DUOX2: variants seen among roughly 807,000 people sequenced by gnomAD.
DUOX2 encodes the protein dual oxidase 2, also known as NADH/NADPH thyroid oxidase p138-tox.
In DUOX2, 185 loss-of-function variants were observed where a neutral mutation model predicts 183.3. The observed-to-expected ratio is 1.01, with a 90% CI of 0.90 to 1.14. The LOEUF (loss-of-function observed/expected upper bound fraction) is 1.14, where lower values mean the gene tolerates loss of function less well. Among genes scored for constraint, DUOX2 ranks in the 50% most tolerant of loss-of-function variants. DUOX2 has a pLI of 0.00. For synonymous variants in DUOX2, 788 were observed against 812.4 expected (o/e 0.97, Z 0.51); for missense variants, 1,999 against 2,022.9 (o/e 0.99, Z 0.23).
At chr15:45,102,060 C>A in intron 20 of DUOX2, 71 bp from the exon 21 acceptor site, 1 of 1,569,846 alleles carries the variant, frequency 6.4e-7, no homozygotes, top group African/African-American at 1.4e-5. Flanking sequence ...CAGGGTGGGG[C>A]AGGCCCCAGA....
In DUOX2 at chr15:45,111,285, C is replaced by T. The variant is rs1445536464; in HGVS notation, c.716-8G>A. ...CTCTCTCTGCCCCGAAGGCTGCATC[C>T]GACGTGGGGGCGCAGGGGAGGAGAC... On this transcript the variant is annotated splice_region_variant and splice_polypyrimidine_tract_variant and intron_variant, in intron 6 of 33. Transcript: ENST00000389039. 37 of 1,372,668 alleles carry T rather than the reference C, an allele frequency of 2.7e-5. 1 individual carries two copies. Among genetic ancestry groups the T allele is most frequent in the South Asian group, 4.4e-5 (3 of 67,776 alleles). 85.0% of individuals were successfully genotyped at this position (1,372,668 alleles called of 1,614,324 possible). A position where few individuals can be genotyped will look rare whatever the true frequency, so the allele number is the denominator to read the frequency against.
chr15:45,109,461 A>G (rs903014422), intron 11 of DUOX2, 63 bp downstream of exon 11: 20 of 1,476,490 alleles, frequency 1.4e-5, no homozygotes, highest in Non-Finnish European at 1.8e-5. Context: ...CTATTGATGA[A>G]CCCAGAGGGA....
intron 11 of DUOX2, 69 bp from the exon 12 acceptor site, chr15:45,109,021 T>A: frequency 6.3e-7 from 1 of 1,588,468 alleles, no homozygotes; most frequent in Non-Finnish European, 8.6e-7. Context: ...CAGCCTTGTA[T>A]CTGACTATTG....
chr15:45,103,309 G>A (rs1047540967), intron 20 of DUOX2, among the ~76,000 whole-genome samples: 2 of 152,230 alleles, frequency 1.3e-5, no homozygotes, highest in Admixed American at 1.3e-4. Flanking sequence ...AGTTAGTTAT[G>A]TATGAAATGC....
chr15:45,097,815 C>T, intron 27 of DUOX2, 74 bp from the exon 28 acceptor site: 7 of 1,607,914 alleles, frequency 4.4e-6, no homozygotes, highest in Non-Finnish European at 6.0e-6. Flanking sequence ...CAGCACATTC[C>T]CCTATCCTTC....
chr15:45,103,449 T>TC (rs1456204862), intron 20 of DUOX2, among the ~76,000 whole-genome samples: 3 of 152,192 alleles, frequency 2.0e-5, no homozygotes, highest in African/African-American at 7.2e-5. Flanking sequence ...CAAAGCTGTT[T>TC]TTTTTTACCG....
rs758697659 is a variant in DUOX2, at chr15:45,094,184, C to T, written c.4613G>A (p.Arg1538Gln). Residue 1538 changes from arginine (R) to glutamine (Q), a missense_variant, in exon 34 of 34, where the codon CGA becomes CAA. Coordinates refer to ENST00000389039, the MANE Select transcript of DUOX2 (RefSeq NM_001363711.2). The stretch of plus-strand genomic sequence containing the variant: ...CTCATAGTGGTGCATGAAGTGGGCT[C>T]GGTCCTGCCTGTTGACGAGCTGACA... ...KACQLVNRQD[R>Q]AHFMHHYENF 2.2e-5 allele frequency: 35 copies of T among 1,614,024 alleles called. 1 individual carries two copies. In the South Asian group the frequency reaches 2.4e-4, roughly 11 times the overall value.
At chr15:45,103,410 G>T (rs1049663647) in intron 20 of DUOX2, among the ~76,000 whole-genome samples, 1 of 152,144 alleles carries the variant, frequency 6.6e-6, no homozygotes, top group African/African-American at 2.4e-5. Flanking sequence ...TGTTACTGAC[G>T]CATTCATTGT....
Position 45,106,553 on chromosome 15 carries a change from C to G in DUOX2, c.1920G>C (p.Lys640Asn). 6.2e-7 allele frequency: 1 copy of G among 1,614,168 alleles called. No homozygotes were observed. The highest frequency in any genetic ancestry group is 1.1e-5 in the South Asian group (1 of 91,074). ...LQKKLKESVK[K>N]EAAKDGVPAM... ...CTGGCACTCCATCTTTGGCTGCTTCCTTCTTCACGCTCTCTTTGAGTTTCT... is the reference window on the plus strand; with the variant it reads ...CTGGCACTCCATCTTTGGCTGCTTCGTTCTTCACGCTCTCTTTGAGTTTCT... Residue 640 changes from lysine (K) to asparagine (N), a missense_variant, in exon 16 of 34, where the codon AAG (lysine) becomes AAC (asparagine). Transcript: ENST00000389039.
chr15:45,113,406 G>T lies in DUOX2; in HGVS notation c.6C>A (p.Leu2=). The T allele has an allele frequency of 1.3e-6, 2 of 1,562,652 alleles. No individual in the cohort carries two copies. The highest frequency in any genetic ancestry group is 8.7e-7 in the Non-Finnish European group (1 of 1,152,488). ...GCATCAGTGCCTCTGGTCTTGCACG[G>T]AGCATGCCAACCCTGCAGCCTGCGG... M[L]RARPEALMLL... is the part of the protein sequence containing the mutation. The change falls in exon 2 of 34, where the codon CTC becomes CTA. Residue 2 remains leucine, a synonymous_variant. Transcript: ENST00000389039.
At chr15:45,113,917 G>GA (rs1452709912) in intron 1 of DUOX2, 56 bp downstream of exon 1, 10 of 202,832 alleles carry the variant, frequency 4.9e-5, no homozygotes, top group Non-Finnish European at 8.2e-5. Flanking sequence ...CTTCTGCAAT[G>GA]AACGCCTGTG....
rs866302157 is a variant in DUOX2, at chr15:45,095,677, G to T, written c.4081-82C>A. 12 of 1,600,032 alleles carry T rather than the reference G, an allele frequency of 7.5e-6. No individual in the cohort carries two copies. The African/African-American group carries it at 1.5e-4, about 20-fold the overall frequency. ...GAAACGGAGACACAGGCAGAGGGAG[G>T]ATACAGAACATCCTAGTCTTTTCTG... On this transcript the variant is annotated intron_variant, in intron 30 of 33. Coordinates refer to ENST00000389039, the MANE Select transcript of DUOX2 (RefSeq NM_001363711.2).
intron 14 of DUOX2, among the ~76,000 whole-genome samples, 167 bp downstream of exon 14, chr15:45,107,178 G>C (rs1275673338): frequency 2.4e-4 from 37 of 152,182 alleles, no homozygotes; most frequent in Non-Finnish European, 1.5e-5. Context: ...GGTGTAGCTT[G>C]TGTGCTAGTT....
At position 45,100,192 on chromosome 15, in the gene DUOX2, C is replaced by T. The variant is rs112598817; in HGVS notation, c.3042G>A (p.Ala1014=). The T allele has an allele frequency of 3.2e-3, 5,096 of 1,614,046 alleles. 53 individuals carry two copies. The highest frequency in any genetic ancestry group is 0.025 in the Admixed American group (1,485 of 60,028). The part of the protein sequence containing the change: ...AVPTPRLYTE[A]LQEKMQRGFL... The stretch of plus-strand genomic sequence containing the variant: ...AGCCTCGCTGCATCTTCTCTTGCAG[C>T]GCCTCTGTGTACAGCCGGGGAGTGG... Residue 1014 remains alanine (A), a synonymous_variant, in exon 24 of 34, where the codon GCG becomes GCA. Transcript: ENST00000389039.
chr15:45,107,559 AG>A, intron 13 of DUOX2, 96 bp from the exon 14 acceptor site: 1 of 1,324,496 alleles, frequency 7.6e-7, no homozygotes, highest in Admixed American at 1.7e-5. Context: ...AGAGACCCAG[AG>A]GGGCTGGGTG....
chr15:45,094,418 G>C, intron 33 of DUOX2, 145 bp downstream of exon 33: 1 of 1,515,496 alleles, frequency 6.6e-7, no homozygotes, highest in South Asian at 1.2e-5. Flanking sequence ...GGGGGTGGAA[G>C]TCCCCCTTTA....
Position 45,097,991 on chromosome 15 carries a change from A to G in DUOX2, c.3565+18T>C, listed in dbSNP as rs756551273. ...GCAGAAGTCCTCAGACAGAACCCCC[A>G]GGTCCCACGTTTCCTACCTGGGACG... On this transcript the variant is annotated intron_variant, in intron 27 of 33. Coordinates refer to ENST00000389039, the MANE Select transcript of DUOX2 (RefSeq NM_001363711.2). 3.8e-5 allele frequency: 61 copies of G among 1,613,420 alleles called. 1 individual carries two copies. Among genetic ancestry groups the G allele is most frequent in the Non-Finnish European group, 5.1e-5 (60 of 1,179,484 alleles).
At chr15:45,104,968 G>A (rs1383637329) in intron 18 of DUOX2, among the ~76,000 whole-genome samples, 2 of 152,094 alleles carry the variant, frequency 1.3e-5, no homozygotes, top group Admixed American at 6.6e-5. Context: ...TTACAGGTGT[G>A]AGCCACCACG....
At position 45,103,960 on chromosome 15, in the gene DUOX2, C is replaced by A. The variant is rs181461079; in HGVS notation, c.2654G>T (p.Arg885Leu). The A allele has an allele frequency of 1.0e-4, 166 of 1,614,062 alleles. No individual in the cohort carries two copies. In the East Asian group the frequency reaches 2.9e-3, roughly 28 times the overall value. The change falls in exon 20 of 34, where the codon CGA (arginine) becomes CTA (leucine). Residue 885 changes from arginine (R) to leucine (L), a missense_variant and splice_region_variant. Arg to Leu is a moderately radical substitution (Grantham distance 102). Transcript: ENST00000389039. ...AGGATTAGAAAGGCACACCCCATAC[C>A]GCATCATGGTGAAGAATTCGTCCTT... The part of the protein sequence containing the change: ...LSKDEFFTMM[R>L]SFIEISNNCL...
Sources: gnomAD v4.1 joint callset for allele counts (sites outside exome capture counted in the v4.1 genomes callset) on GRCh38, gnomAD v4.1.1 for gene constraint, MANE v1.5 for transcripts, NCBI Gene and HGNC (gene_info 2026-07-23, HGNC 2026-07-21) for gene names.